The following RRBP1 variants were observed in gnomAD, a reference collection of about 807,000 sequenced individuals.
The protein encoded by RRBP1 is ribosome-binding protein 1.
RRBP1 carries 94 observed loss-of-function variants against 165.2 expected under a neutral mutation model. The observed-to-expected ratio is 0.57, with a 90% CI of 0.48 to 0.68. RRBP1 has a LOEUF of 0.68. Ranked by LOEUF, RRBP1 falls within the 30% of genes least tolerant of loss-of-function variation. RRBP1 has a pLI of 0.00. For missense variants in RRBP1, 1,676 were observed against 1,763.0 expected (o/e 0.95, Z 0.88); for synonymous variants, 680 against 714.5 (o/e 0.95, Z 0.77).
intron 2 of RRBP1, among the ~76,000 whole-genome samples, chr20:17,662,055 G>T (rs187535726): frequency 6.6e-6 from 1 of 152,146 alleles, no homozygotes; most frequent in African/African-American, 2.4e-5. Context: ...GAGGTCAGGA[G>T]ATCGAGACCA....
chr20:17,642,677 C>G (rs972925176), intron 4 of RRBP1, among the ~76,000 whole-genome samples: 2 of 152,150 alleles, frequency 1.3e-5, no homozygotes, highest in Non-Finnish European at 2.9e-5. Flanking sequence ...CACTGTGTCC[C>G]TATACCTTTC....
intron 2 of RRBP1, among the ~76,000 whole-genome samples, chr20:17,664,134 C>A (rs1285965262): frequency 6.6e-6 from 1 of 152,152 alleles, no homozygotes; most frequent in Non-Finnish European, 1.5e-5. Context: ...GCTAGCATCA[C>A]CACTCTTGCA....
chr20:17,636,798 A>G (rs2036256968), intron 5 of RRBP1, 69 bp from the exon 6 acceptor site: 1 of 1,586,284 alleles, frequency 6.3e-7, no homozygotes, highest in South Asian at 1.1e-5. Flanking sequence ...GAAGGGAGCA[A>G]GAGCATCACC....
intron 19 of RRBP1, 29 bp downstream of exon 19, chr20:17,619,604 G>A (rs748900147): frequency 1.3e-6 from 2 of 1,552,656 alleles, no homozygotes; most frequent in African/African-American, 1.4e-5. Context: ...TGCTGGGCAG[G>A]GGCTGCACTC....
intron 5 of RRBP1, among the ~76,000 whole-genome samples, chr20:17,638,294 G>T (rs535554154): frequency 2.0e-5 from 3 of 152,240 alleles, no homozygotes; most frequent in Admixed American, 6.5e-5. Context: ...CAAGTAGATG[G>T]TCCAGCCTTG....
At chr20:17,672,465 G>C (rs2036996359) in intron 2 of RRBP1, among the ~76,000 whole-genome samples, 1 of 152,188 alleles carries the variant, frequency 6.6e-6, no homozygotes, top group African/African-American at 2.4e-5. Flanking sequence ...GCCTGAGTGA[G>C]TCATTTCTTA....
At chr20:17,656,232 A>T (rs149048236) in intron 3 of RRBP1, among the ~76,000 whole-genome samples, 258 of 152,318 alleles carry the variant, frequency 1.7e-3, no homozygotes, top group Admixed American at 3.3e-3. Flanking sequence ...GTGAAGAAGA[A>T]AGAAACCACC....
intron 2 of RRBP1, among the ~76,000 whole-genome samples, chr20:17,679,286 A>C (rs2037136608): frequency 6.6e-6 from 1 of 152,246 alleles, no homozygotes; most frequent in Non-Finnish European, 1.5e-5. Context: ...ACAGCTGGGA[A>C]TAGTTTAACA....
intron 21 of RRBP1, among the ~76,000 whole-genome samples, 155 bp downstream of exon 21, chr20:17,616,577 C>T (rs1003931179): frequency 2.6e-5 from 4 of 152,222 alleles, no homozygotes; most frequent in South Asian, 2.1e-4. Flanking sequence ...TGGCTTTCTC[C>T]GAACCTGGAT....
chr20:17,656,410 A>AT (rs1011024683), intron 3 of RRBP1, among the ~76,000 whole-genome samples: 35 of 151,590 alleles, frequency 2.3e-4, no homozygotes, highest in East Asian at 3.9e-4. Context: ...ACCCATATTC[A>AT]TTTTTTTTCA....
chr20:17,679,817 G>A (rs1283325219), intron 2 of RRBP1, among the ~76,000 whole-genome samples, 182 bp downstream of exon 2: 1 of 152,206 alleles, frequency 6.6e-6, no homozygotes, highest in African/African-American at 2.4e-5. Flanking sequence ...TTCAGAGGCA[G>A]ATTCCTAAGT....
intron 2 of RRBP1, among the ~76,000 whole-genome samples, chr20:17,679,562 G>A (rs748500123): frequency 6.6e-5 from 10 of 152,134 alleles, no homozygotes; most frequent in Admixed American, 5.9e-4. Context: ...CTGGGGTCCC[G>A]ACACTTTTAA....
chr20:17,672,303 G>C (rs1227260178), intron 2 of RRBP1, among the ~76,000 whole-genome samples: 1 of 152,198 alleles, frequency 6.6e-6, no homozygotes, highest in Non-Finnish European at 1.5e-5. Context: ...CCTTGGAGAA[G>C]AGCTGCATTT....
chr20:17,657,596 AAGAAAAGGAAAGGAGAGGAGAGGAG>A (rs1221652670), intron 3 of RRBP1, among the ~76,000 whole-genome samples: 1 of 152,216 alleles, frequency 6.6e-6, no homozygotes, highest in Non-Finnish European at 1.5e-5. Context: ...GAAAGGAAAA[AAGAAAAGGAAAGGAGAGGAGAGGAG>A]AGGAAAGGAA....
At chr20:17,655,923 C>T (rs2036637708) in intron 3 of RRBP1, among the ~76,000 whole-genome samples, 1 of 152,224 alleles carries the variant, frequency 6.6e-6, no homozygotes, top group Admixed American at 6.5e-5. Flanking sequence ...ACAGCATCAG[C>T]AGCTCCCAGG....
At chr20:17,646,410 G>C (rs1374236085) in intron 3 of RRBP1, among the ~76,000 whole-genome samples, 1 of 152,248 alleles carries the variant, frequency 6.6e-6, no homozygotes, top group African/African-American at 2.4e-5. Context: ...ACCAAGGTCA[G>C]AGCAAGGCCT....
At chr20:17,616,353 G>A (rs879359710) in intron 21 of RRBP1, among the ~76,000 whole-genome samples, 18 of 152,174 alleles carry the variant, frequency 1.2e-4, no homozygotes, top group African/African-American at 3.6e-4. Context: ...GGCTATTGCC[G>A]GGCTCAAAAC....
At position 17,624,796 on chromosome 20, in the gene RRBP1, G is replaced by A. The variant is rs76123520; in HGVS notation, c.3055-128C>T. On this transcript the variant is annotated intron_variant, in intron 12 of 24. Coordinates refer to ENST00000377813, the MANE Select transcript of RRBP1 (RefSeq NM_001365613.2). ...CCCTGGCCCACAGAGGACCTGCCACGGGACAAAATGCCCCTTCCTTGGCCC... is the reference window on the plus strand; with the variant it reads ...CCCTGGCCCACAGAGGACCTGCCACAGGACAAAATGCCCCTTCCTTGGCCC... 7.7e-3 allele frequency: 5,182 copies of A among 672,336 alleles called. 194 individuals carry two copies. In the African/African-American group the frequency reaches 0.08, roughly 10 times the overall value. The allele number at this position is 672,336 out of a possible 1,614,324, so 41.6% of individuals were successfully genotyped here.
chr20:17,634,622 C>T (rs941173188), intron 7 of RRBP1, among the ~76,000 whole-genome samples: 1 of 152,242 alleles, frequency 6.6e-6, no homozygotes, highest in African/African-American at 2.4e-5. Context: ...ACTGCCTCAG[C>T]GTGACAAGTC....
Sources: gnomAD v4.1 joint callset for allele counts (sites outside exome capture counted in the v4.1 genomes callset) on GRCh38, gnomAD v4.1.1 for gene constraint, MANE v1.5 for transcripts, NCBI Gene and HGNC (gene_info 2026-07-23, HGNC 2026-07-21) for gene names.